IGF2BP2: variants seen among roughly 807,000 people sequenced by gnomAD.
The protein encoded by IGF2BP2 is insulin like growth factor 2 mRNA binding protein 2.
IGF2BP2 carries 17 observed loss-of-function variants against 75.8 expected under a neutral mutation model. That is an observed-to-expected ratio of 0.22 (90% confidence interval 0.15 to 0.34). IGF2BP2 has a LOEUF of 0.34. Ranked by LOEUF, IGF2BP2 falls within the 10% of genes least tolerant of loss-of-function variation. The pLI, the probability that IGF2BP2 is intolerant of heterozygous loss-of-function variation, is 1.00. For missense variants in IGF2BP2, 516 were observed against 772.4 expected (o/e 0.67, Z 3.93); for synonymous variants, 288 against 295.6 (o/e 0.97, Z 0.26).
chr3:185,728,309 A>G, intron 2 of IGF2BP2: 1 of 152,466 alleles, frequency 6.6e-6, no homozygotes, highest in Non-Finnish European at 1.5e-5. Context: ...CCAGCCCATC[A>G]GCGCCTTGAC....
chr3:185,709,513 G>A (rs1359635304), intron 2 of IGF2BP2, among the ~76,000 whole-genome samples: 1 of 152,198 alleles, frequency 6.6e-6, no homozygotes, highest in Non-Finnish European at 1.5e-5. Context: ...GCTTACTAAA[G>A]ACACTGGTCT....
intron 2 of IGF2BP2, among the ~76,000 whole-genome samples, chr3:185,714,758 G>A (rs1725342338): frequency 6.6e-6 from 1 of 152,152 alleles, no homozygotes; most frequent in South Asian, 2.1e-4. Context: ...GCCCAGCCTA[G>A]GCAACGTAGC....
At chr3:185,668,667 C>T (rs888975304) in intron 10 of IGF2BP2, among the ~76,000 whole-genome samples, 1 of 151,140 alleles carries the variant, frequency 6.6e-6, no homozygotes, top group Non-Finnish European at 1.5e-5. Flanking sequence ...TGACATAAGA[C>T]ACCACAAATA....
In IGF2BP2 at chr3:185,658,324, A is replaced by ACTGAGG; in HGVS notation, c.1269+11_1269+16dup. ...CAGGAGAAGTGGCAGGTGCGGCTGAACTGAGGGGGCACTTACAGAGTGATG... is the reference window on the plus strand; with the variant it reads ...CAGGAGAAGTGGCAGGTGCGGCTGAACTGAGGCTGAGGGGGCACTTACAGAGTGATG... On this transcript the variant is annotated intron_variant, in intron 11 of 15. Coordinates refer to ENST00000382199, the MANE Select transcript of IGF2BP2 (RefSeq NM_006548.6). 1 of 1,612,568 alleles carries ACTGAGG rather than the reference A, an allele frequency of 6.2e-7. No homozygotes were observed. The highest frequency in any genetic ancestry group is 1.1e-5 in the South Asian group (1 of 91,026).
chr3:185,756,800 C>T (rs1731681283), intron 2 of IGF2BP2, among the ~76,000 whole-genome samples: 1 of 152,210 alleles, frequency 6.6e-6, no homozygotes, highest in South Asian at 2.1e-4. Context: ...CAGCAAAACT[C>T]CATCTCTACA....
rs1161961625 is a variant in IGF2BP2 at position 185,808,725 on chromosome 3, A to T, written c.239+14428T>A. ...CAGGTGCATGCCACCACACCTGGCT[A>T]TTTTTTTTTTTTTTATCATTTTAGT... On this transcript the variant is annotated intron_variant, in intron 2 of 15. Transcript: ENST00000382199. 5.6e-4 allele frequency among the ~76,000 whole-genome samples: 79 copies of T among 141,060 alleles called. 1 individual carries two copies. The South Asian group carries it at 0.017, about 30-fold the overall frequency. 92.5% of individuals were successfully genotyped at this position (141,060 alleles called of 152,430 possible).
chr3:185,721,384 T>C (rs1726514846), intron 2 of IGF2BP2, among the ~76,000 whole-genome samples: 2 of 152,010 alleles, frequency 1.3e-5, no homozygotes, highest in Non-Finnish European at 2.9e-5. Flanking sequence ...GTATTTCTAG[T>C]AGAGACGGGG....
chr3:185,691,979 T>A (rs1173336359), intron 5 of IGF2BP2, among the ~76,000 whole-genome samples: 2 of 151,956 alleles, frequency 1.3e-5, no homozygotes, highest in Non-Finnish European at 2.9e-5. Flanking sequence ...GCTCAAGCAA[T>A]CCTCCGGCCT....
chr3:185,716,531 T>C (rs751541851), intron 2 of IGF2BP2: 4 of 520,154 alleles, frequency 7.7e-6, no homozygotes, highest in East Asian at 1.1e-4. Flanking sequence ...CTTTATCCTG[T>C]AGCCCTCCTC....
intron 13 of IGF2BP2, among the ~76,000 whole-genome samples, chr3:185,651,795 C>T (rs556641256): frequency 5.9e-5 from 9 of 152,148 alleles, no homozygotes; most frequent in Non-Finnish European, 1.2e-4. Flanking sequence ...CTAAATGAGC[C>T]GGAGACATCC....
At chr3:185,777,471 A>G (rs1007194361) in intron 2 of IGF2BP2, among the ~76,000 whole-genome samples, 2 of 152,186 alleles carry the variant, frequency 1.3e-5, no homozygotes, top group Non-Finnish European at 2.9e-5. Flanking sequence ...AGCCTGGGTG[A>G]CAGAGCAAGA....
chr3:185,810,225 T>C (rs1203726453), intron 2 of IGF2BP2, among the ~76,000 whole-genome samples: 1 of 152,186 alleles, frequency 6.6e-6, no homozygotes, highest in African/African-American at 2.4e-5. Context: ...CTTTTTGTTT[T>C]GTTTTGTTTT....
intron 12 of IGF2BP2, among the ~76,000 whole-genome samples, chr3:185,653,792 A>G (rs1234547493): frequency 6.6e-6 from 1 of 152,200 alleles, no homozygotes; most frequent in African/African-American, 2.4e-5. Context: ...TGACAGGGAC[A>G]TCATGTTCTA....
intron 13 of IGF2BP2, 138 bp from the exon 14 acceptor site, chr3:185,649,672 G>A (rs942007426): frequency 8.3e-6 from 10 of 1,209,446 alleles, no homozygotes; most frequent in Middle Eastern, 2.1e-4. Context: ...AGGAAGCTGC[G>A]TGCCCCAGCC....
At chr3:185,730,147 C>T (rs1393373966) in intron 2 of IGF2BP2, among the ~76,000 whole-genome samples, 2 of 152,244 alleles carry the variant, frequency 1.3e-5, no homozygotes, top group East Asian at 3.9e-4. Flanking sequence ...CTTTGTGTTC[C>T]CAGTGTCTGC....
chr3:185,676,900 GGAGATATATATAT>G (rs1719467830), intron 7 of IGF2BP2, among the ~76,000 whole-genome samples: 1 of 140,700 alleles, frequency 7.1e-6, no homozygotes, highest in Non-Finnish European at 1.5e-5. Context: ...TATATTTACT[GGAGATATATATAT>G]GAGATATATA....
At chr3:185,758,180 T>C (rs746626862) in intron 2 of IGF2BP2, among the ~76,000 whole-genome samples, 10 of 152,216 alleles carry the variant, frequency 6.6e-5, no homozygotes, top group Non-Finnish European at 1.5e-4. Context: ...CAACAAAACA[T>C]GGGTACTGTC....
At chr3:185,824,543 G>A in intron 1 of IGF2BP2, among the ~76,000 whole-genome samples, 1 of 150,806 alleles carries the variant, frequency 6.6e-6, no homozygotes, top group East Asian at 2.0e-4. Context: ...GGAGCGGCAC[G>A]GGGGGCGCCC....
chr3:185,687,194 G>A lies in IGF2BP2; in HGVS notation c.678-3C>T, dbSNP rs1365791140. On this transcript the variant is annotated splice_region_variant and splice_polypyrimidine_tract_variant and intron_variant, in intron 6 of 15. Transcript: ENST00000382199. ...TCTCTTTTCTATGGATATCTACCCT[G>A]TAGGAAAAGAATCAGGAGCCATGAT... 6.9e-6 allele frequency: 11 copies of A among 1,597,944 alleles called. No individual in the cohort carries two copies. The highest frequency in any genetic ancestry group is 1.4e-5 in the African/African-American group (1 of 73,508).
Sources: gnomAD v4.1 joint callset for allele counts (sites outside exome capture counted in the v4.1 genomes callset) on GRCh38, gnomAD v4.1.1 for gene constraint, MANE v1.5 for transcripts, NCBI Gene and HGNC (gene_info 2026-07-23, HGNC 2026-07-21) for gene names.